GNAI3: variants seen among roughly 807,000 people sequenced by gnomAD.
GNAI3 encodes the protein G protein subunit alpha i3, also known as guanine nucleotide-binding protein G(i) subunit alpha-3.
In GNAI3, 12 loss-of-function variants were observed where a neutral mutation model predicts 41.8. The observed-to-expected ratio is 0.29, with a 90% CI of 0.18 to 0.47. The LOEUF is 0.47. Ranked by LOEUF, GNAI3 falls within the 20% of genes least tolerant of loss-of-function variation. The pLI, the probability that GNAI3 is intolerant of heterozygous loss-of-function variation, is 1.00. For missense variants in GNAI3, 360 were observed against 429.6 expected (o/e 0.84, Z 1.43); for synonymous variants, 132 against 146.5 (o/e 0.90, Z 0.71).
rs142294586 is a variant in GNAI3 at position 109,579,300 on chromosome 1, G to A, written c.400G>A (p.Gly134Ser). 4.7e-5 allele frequency: 76 copies of A among 1,613,640 alleles called. No homozygotes were observed. In the African/African-American group the frequency reaches 8.5e-4, roughly 18 times the overall value. ...AGTGATTAAACGGTTATGGCGAGATGGTGGGGTACAAGCTTGCTTCAGCAG... is the reference window on the plus strand; with the variant it reads ...AGTGATTAAACGGTTATGGCGAGATAGTGGGGTACAAGCTTGCTTCAGCAG... ...AGVIKRLWRD[G>S]GVQACFSRSR... The change falls in exon 4 of 9, where the codon GGT becomes AGT. Residue 134 changes from glycine (G) to serine (S), a missense_variant. Coordinates refer to ENST00000369851, the MANE Select transcript of GNAI3 (RefSeq NM_006496.4).
At chr1:109,563,733 T>C (rs1046988018) in intron 1 of GNAI3, among the ~76,000 whole-genome samples, 1 of 151,906 alleles carries the variant, frequency 6.6e-6, no homozygotes, top group African/African-American at 2.4e-5. Flanking sequence ...ATGTAAGTTA[T>C]GGACATATTT....
chr1:109,579,295 G>A lies in GNAI3; in HGVS notation c.395G>A (p.Arg132Gln), dbSNP rs758640921. Reference protein sequence around the residue: ...ELAGVIKRLWRDGGVQACFSR... With the variant: ...ELAGVIKRLWQDGGVQACFSR... The stretch of plus-strand genomic sequence containing the variant: ...GCAGGAGTGATTAAACGGTTATGGC[G>A]AGATGGTGGGGTACAAGCTTGCTTC... Residue 132 changes from arginine to glutamine, a missense_variant, in exon 4 of 9, where the codon CGA becomes CAA. By Grantham distance (43) the Arg-to-Gln change is conservative (BLOSUM62 1). Coordinates refer to ENST00000369851, the MANE Select transcript of GNAI3 (RefSeq NM_006496.4). 3.1e-6 allele frequency: 5 copies of A among 1,613,536 alleles called. No homozygotes were observed. The highest frequency in any genetic ancestry group is 2.7e-5 in the African/African-American group (2 of 75,000).
At chr1:109,576,911 G>A (rs1180866024) in intron 3 of GNAI3, among the ~76,000 whole-genome samples, 2 of 152,020 alleles carry the variant, frequency 1.3e-5, no homozygotes, top group African/African-American at 4.8e-5. Context: ...TAAGAAAAAA[G>A]TGTTTGCTCC....
intron 5 of GNAI3, among the ~76,000 whole-genome samples, chr1:109,583,367 G>A (rs1486014420): frequency 1.3e-5 from 2 of 151,950 alleles, no homozygotes; most frequent in African/African-American, 4.8e-5. Context: ...ATGCCACTGT[G>A]CCTGGCTAAT....
Position 109,592,257 on chromosome 1 carries a change from TAA to T in GNAI3, c.*22+4_*22+5del. On this transcript the variant is annotated splice_donor_region_variant and intron_variant, in intron 8 of 8. Coordinates refer to ENST00000369851, the MANE Select transcript of GNAI3 (RefSeq NM_006496.4). Reference sequence around the variant, plus strand: ...GAGAAGCATGGATGTTAGTGAAAGGTAAAGTTTCATACAAGGTAGTTATAGTG... The same window carrying T: ...GAGAAGCATGGATGTTAGTGAAAGGTAGTTTCATACAAGGTAGTTATAGTG... 6.7e-7 allele frequency: 1 copy of T among 1,484,790 alleles called. No homozygotes were observed. The highest frequency in any genetic ancestry group is 2.3e-5 in the East Asian group (1 of 44,172). The allele number at this position is 1,484,790 out of a possible 1,614,324, so 92.0% of individuals were successfully genotyped here.
intron 1 of GNAI3, among the ~76,000 whole-genome samples, chr1:109,556,907 AT>A (rs1307095644): frequency 6.6e-6 from 1 of 152,198 alleles, no homozygotes; most frequent in Non-Finnish European, 1.5e-5. Context: ...CATTTTAAAA[AT>A]CTCAGACTAC....
intron 3 of GNAI3, among the ~76,000 whole-genome samples, chr1:109,576,863 G>A (rs11803546): frequency 0.4 from 60,709 of 151,972 alleles, 14,843 homozygotes; most frequent in East Asian, 0.64. Context: ...GGTTTATTGT[G>A]GGGAAGCAAG....
In GNAI3 at chr1:109,598,806, C is replaced by G; in HGVS notation, c.*6484C>G. 2.0e-6 allele frequency: 1 copy of G among 506,298 alleles called. No homozygotes were observed. Among genetic ancestry groups the G allele is most frequent in the Non-Finnish European group, 4.2e-6 (1 of 239,118 alleles). 31.4% of individuals were successfully genotyped at this position (506,298 alleles called of 1,614,324 possible). A position where few individuals can be genotyped will look rare whatever the true frequency, so the allele number is the denominator to read the frequency against. On this transcript the variant is annotated 3_prime_UTR_variant, in exon 9 of 9. Transcript: ENST00000369851. ...CTGACCTCACAGAAATGTTTTCATG[C>G]TTTTACCTAGCAGGACCACCAGAGG...
At chr1:109,590,964 A>G (rs1398727725) in intron 7 of GNAI3, among the ~76,000 whole-genome samples, 1 of 152,108 alleles carries the variant, frequency 6.6e-6, no homozygotes, top group African/African-American at 2.4e-5. Context: ...CCTGTAGTTT[A>G]TTGGAATAAT....
intron 1 of GNAI3, among the ~76,000 whole-genome samples, chr1:109,556,717 T>G (rs1444687015): frequency 3.3e-5 from 5 of 152,168 alleles, no homozygotes; most frequent in Non-Finnish European, 7.4e-5. Context: ...GGCTGAAAAC[T>G]GCAGTTGTTT....
chr1:109,592,273 GTAGTTA>G lies in GNAI3; in HGVS notation c.*22+23_*22+28del. 1.5e-6 allele frequency: 2 copies of G among 1,301,042 alleles called. No individual in the cohort carries two copies. Among genetic ancestry groups the G allele is most frequent in the Non-Finnish European group, 2.2e-6 (2 of 899,624 alleles). The allele number at this position is 1,301,042 out of a possible 1,614,324, so 80.6% of individuals were successfully genotyped here. On this transcript the variant is annotated intron_variant, in intron 8 of 8. Transcript: ENST00000369851. ...AGTGAAAGGTAAAGTTTCATACAAG[GTAGTTA>G]TAGTGCTACAGTGATGTCTCTTGGT...
intron 1 of GNAI3, among the ~76,000 whole-genome samples, chr1:109,572,169 G>T (rs1357011140): frequency 2.0e-5 from 3 of 151,886 alleles, no homozygotes; most frequent in South Asian, 2.1e-4. Flanking sequence ...AATCAGCTGG[G>T]TGTTGTGGCA....
At chr1:109,555,137 C>G (rs562627368) in intron 1 of GNAI3, among the ~76,000 whole-genome samples, 4 of 152,096 alleles carry the variant, frequency 2.6e-5, no homozygotes, top group Non-Finnish European at 4.4e-5. Flanking sequence ...AATGCAATTC[C>G]CATTAAAGTA....
Position 109,594,712 on chromosome 1 carries a change from G to T in GNAI3, c.*2390G>T, listed in dbSNP as rs1253375545. On this transcript the variant is annotated 3_prime_UTR_variant, in exon 9 of 9. Transcript: ENST00000369851. Reference sequence around the variant, plus strand: ...CTGTCGCCCAGGCTGGAGTGCAGTGGCGCGATCTCGGCTTATTGCAAGCTC... The same window carrying T: ...CTGTCGCCCAGGCTGGAGTGCAGTGTCGCGATCTCGGCTTATTGCAAGCTC... The T allele has an allele frequency of 6.7e-6, 1 of 149,016 alleles. No individual in the cohort carries two copies. The highest frequency in any genetic ancestry group is 1.5e-5 in the Non-Finnish European group (1 of 67,626). 9.2% of individuals were successfully genotyped at this position (149,016 alleles called of 1,614,324 possible).
At chr1:109,584,572 A>G (rs1335479303) in intron 5 of GNAI3, among the ~76,000 whole-genome samples, 1 of 152,180 alleles carries the variant, frequency 6.6e-6, no homozygotes, top group South Asian at 2.1e-4. Context: ...TGGCATGTAG[A>G]TATCTTGTTA....
Position 109,598,990 on chromosome 1 carries a change from ATC to A in GNAI3, c.*6671_*6672del, listed in dbSNP as rs778202228. ...GCCGGCACACTTTGGTCTACGGCAC[ATC>A]TCCAAGTATAGAGTGGGTTTTGAAT... is the stretch of plus-strand genomic sequence containing the variant. On this transcript the variant is annotated 3_prime_UTR_variant, in exon 9 of 9. Transcript: ENST00000369851. 1 of 534,560 alleles carries A rather than the reference ATC, an allele frequency of 1.9e-6. No homozygotes were observed. The highest frequency in any genetic ancestry group is 3.8e-6 in the Non-Finnish European group (1 of 259,834). 33.1% of individuals were successfully genotyped at this position (534,560 alleles called of 1,614,324 possible).
At chr1:109,572,336 A>G (rs1451706895) in intron 1 of GNAI3, among the ~76,000 whole-genome samples, 1 of 152,166 alleles carries the variant, frequency 6.6e-6, no homozygotes, top group African/African-American at 2.4e-5. Flanking sequence ...AATAATTCAG[A>G]AACTGGAGAG....
intron 5 of GNAI3, among the ~76,000 whole-genome samples, chr1:109,583,395 T>G (rs1295076887): frequency 6.6e-6 from 1 of 151,998 alleles, no homozygotes; most frequent in Non-Finnish European, 1.5e-5. Context: ...AAAAATTTTA[T>G]GTAGAGACAG....
In GNAI3 at chr1:109,596,749, T is replaced by C. The variant is rs1390791462; in HGVS notation, c.*4427T>C. The C allele has an allele frequency of 6.6e-6, 1 of 152,214 alleles. No homozygotes were observed. The highest frequency in any genetic ancestry group is 1.5e-5 in the Non-Finnish European group (1 of 68,036). The allele number at this position is 152,214 out of a possible 1,614,324, so 9.4% of individuals were successfully genotyped here. A position where few individuals can be genotyped will look rare whatever the true frequency, so the allele number is the denominator to read the frequency against. Reference sequence around the variant, plus strand: ...GGTAAGAAGGAATGTTAAACAGCAGTAGTTACCTGGGGTACATGGTTAATT... The same window carrying C: ...GGTAAGAAGGAATGTTAAACAGCAGCAGTTACCTGGGGTACATGGTTAATT... On this transcript the variant is annotated 3_prime_UTR_variant, in exon 9 of 9. Coordinates refer to ENST00000369851, the MANE Select transcript of GNAI3 (RefSeq NM_006496.4).
Sources: allele counts gnomAD v4.1 joint callset (sites outside exome capture counted in the v4.1 genomes callset), GRCh38; gene constraint gnomAD v4.1.1; transcripts MANE v1.5; gene names NCBI Gene and HGNC (gene_info 2026-07-23, HGNC 2026-07-21).